The following ZNF804B variants were observed in gnomAD, a reference collection of about 807,000 sequenced individuals.
The protein encoded by ZNF804B is zinc finger protein 804B.
ZNF804B carries 80 observed loss-of-function variants against 101.4 expected under a neutral mutation model. The observed-to-expected ratio is 0.79, with a 90% CI of 0.66 to 0.95. The LOEUF is 0.95. ZNF804B is among the 40% of genes least tolerant of loss of function. The pLI is 0.00. For synonymous variants in ZNF804B, 622 were observed against 558.8 expected (o/e 1.11, Z -1.59); for missense variants, 1,673 against 1,561.9 (o/e 1.07, Z -1.20).
chr7:88,788,178 TGCATGAGGACTGGAGGCCAG>T (rs918122478), intron 1 of ZNF804B, among the ~76,000 whole-genome samples: 3 of 152,058 alleles, frequency 2.0e-5, no homozygotes, highest in African/African-American at 7.2e-5. Flanking sequence ...GAGAAGGCCC[TGCATGAGGACTGGAGGCCAG>T]GTGGAATTTG....
chr7:89,044,882 G>T (rs1789077294), intron 1 of ZNF804B, among the ~76,000 whole-genome samples: 1 of 152,204 alleles, frequency 6.6e-6, no homozygotes, highest in South Asian at 2.1e-4. Flanking sequence ...GCAGGCTGCA[G>T]AAATTTGCAT....
rs889329452 is a variant in ZNF804B, at chr7:88,835,270, A to T, written c.108+75186A>T. On this transcript the variant is annotated intron_variant, in intron 1 of 3. Transcript: ENST00000333190. ...TTGCTGAAAGCTTCTGAAGCTGGCA[A>T]TAGAAGTAGCTACACCTTCACATCA... 3.3e-5 allele frequency among the ~76,000 whole-genome samples: 5 copies of T among 151,782 alleles called. 1 individual carries two copies. The East Asian group carries it at 9.7e-4, about 29-fold the overall frequency.
At chr7:89,034,324 T>C (rs1584086493) in intron 1 of ZNF804B, among the ~76,000 whole-genome samples, 3 of 152,256 alleles carry the variant, frequency 2.0e-5, no homozygotes, top group African/African-American at 7.2e-5. Context: ...GCAGGTTTGT[T>C]ACATAGGTAT....
intron 1 of ZNF804B, among the ~76,000 whole-genome samples, chr7:89,152,949 C>T (rs1156416337): frequency 3.3e-5 from 5 of 152,024 alleles, no homozygotes; most frequent in Admixed American, 1.3e-4. Context: ...TTTGGGCTGT[C>T]ATCCACAGGT....
intron 2 of ZNF804B, among the ~76,000 whole-genome samples, chr7:89,320,891 A>G (rs1790808321): frequency 6.6e-6 from 1 of 152,168 alleles, no homozygotes. Context: ...AACTAGAAAT[A>G]CATATCCAAA....
chr7:88,913,306 A>G (rs1792576636), intron 1 of ZNF804B, among the ~76,000 whole-genome samples: 1 of 152,198 alleles, frequency 6.6e-6, no homozygotes, highest in South Asian at 2.1e-4. Context: ...AGGAAACCTT[A>G]TTACTTAAAT....
In ZNF804B at chr7:89,334,686, C is replaced by T. The variant is rs801839; in HGVS notation, c.1704C>T (p.Phe568=). The T allele has an allele frequency of 0.28, 446,947 of 1,613,244 alleles. 75,017 individuals carry two copies. The highest frequency in any genetic ancestry group is 0.68 in the East Asian group (30,462 of 44,826). ...AGCCAAATAAGAGTGAATATACTTT[C>T]AGTGCAAATGATTTGGAAATGAAAA... ...DSEPNKSEYT[F]SANDLEMKNP... is the part of the protein sequence containing the mutation. Residue 568 remains phenylalanine, a synonymous_variant, in exon 4 of 4, where the codon TTC becomes TTT. Transcript: ENST00000333190.
chr7:88,859,952 C>A (rs1042801566), intron 1 of ZNF804B, among the ~76,000 whole-genome samples: 3 of 151,732 alleles, frequency 2.0e-5, no homozygotes, highest in Admixed American at 2.0e-4. Context: ...GTGTAAATTT[C>A]TCTATTGAGA....
At chr7:88,974,248 A>G (rs1793581343) in intron 1 of ZNF804B, among the ~76,000 whole-genome samples, 1 of 148,766 alleles carries the variant, frequency 6.7e-6, no homozygotes, top group Non-Finnish European at 1.5e-5. Flanking sequence ...AAATACATAT[A>G]TATGAAAATA....
intron 2 of ZNF804B, among the ~76,000 whole-genome samples, chr7:89,233,686 C>T (rs560453992): frequency 6.8e-4 from 104 of 151,900 alleles, no homozygotes; most frequent in African/African-American, 1.4e-3. Flanking sequence ...TTGCCCAGGC[C>T]GGAGTGCAAT....
chr7:89,088,900 C>T (rs1285038883), intron 1 of ZNF804B, among the ~76,000 whole-genome samples: 1 of 151,880 alleles, frequency 6.6e-6, no homozygotes, highest in Non-Finnish European at 1.5e-5. Flanking sequence ...AAAGACTGAA[C>T]AGTCGTCCTG....
intron 1 of ZNF804B, among the ~76,000 whole-genome samples, chr7:88,993,006 C>G (rs1363811695): frequency 6.6e-6 from 1 of 151,592 alleles, no homozygotes; most frequent in East Asian, 1.9e-4. Context: ...AGTGATATTA[C>G]AAAGATCACA....
intron 2 of ZNF804B, among the ~76,000 whole-genome samples, chr7:89,290,127 C>G (rs1443036024): frequency 6.6e-6 from 1 of 152,120 alleles, no homozygotes; most frequent in Non-Finnish European, 1.5e-5. Context: ...AGGAAATCTG[C>G]TGCCTTGAAA....
intron 1 of ZNF804B, among the ~76,000 whole-genome samples, chr7:88,866,749 A>G (rs1791732649): frequency 6.6e-6 from 1 of 152,176 alleles, no homozygotes; most frequent in Non-Finnish European, 1.5e-5. Context: ...ATAATAGATC[A>G]TTGTTCTAAT....
At chr7:89,091,169 A>C (rs1210716835) in intron 1 of ZNF804B, among the ~76,000 whole-genome samples, 2 of 152,154 alleles carry the variant, frequency 1.3e-5, no homozygotes, top group Non-Finnish European at 2.9e-5. Flanking sequence ...AGCATATCTA[A>C]AAATTCATGA....
intron 1 of ZNF804B, among the ~76,000 whole-genome samples, chr7:88,888,263 G>A (rs894370458): frequency 6.6e-5 from 10 of 152,002 alleles, no homozygotes; most frequent in African/African-American, 2.4e-4. Flanking sequence ...GTGGTGGGGG[G>A]TGCCTGTAAT....
intron 1 of ZNF804B, among the ~76,000 whole-genome samples, chr7:88,805,731 T>C (rs10487038): frequency 0.38 from 57,972 of 152,000 alleles, 11,458 homozygotes; most frequent in East Asian, 0.51. Context: ...TGCAGTGGTA[T>C]GGGAAGTATA....
chr7:89,330,418 C>T (rs1443746136), intron 3 of ZNF804B, among the ~76,000 whole-genome samples: 4 of 151,528 alleles, frequency 2.6e-5, no homozygotes, highest in African/African-American at 7.3e-5. Flanking sequence ...GATAGATGCA[C>T]AAATTAATTT....
At chr7:89,049,520 C>T (rs1332127884) in intron 1 of ZNF804B, among the ~76,000 whole-genome samples, 2 of 152,094 alleles carry the variant, frequency 1.3e-5, no homozygotes, top group Non-Finnish European at 2.9e-5. Context: ...CCCTTCTATT[C>T]CCCAAAGATC....
Sources: allele counts gnomAD v4.1 joint callset (sites outside exome capture counted in the v4.1 genomes callset), GRCh38; gene constraint gnomAD v4.1.1; transcripts MANE v1.5; gene names NCBI Gene and HGNC (gene_info 2026-07-23, HGNC 2026-07-21).